IKBKE: variants seen among roughly 807,000 people sequenced by gnomAD.
IKBKE encodes the protein inhibitor of nuclear factor kappa B kinase subunit epsilon.
In IKBKE, 45 loss-of-function variants were observed where a neutral mutation model predicts 92.1. The ratio of observed to expected loss-of-function variants is 0.49; its 90% CI spans 0.38 to 0.63. The LOEUF is 0.63. Ranked by LOEUF, IKBKE falls within the 20% of genes least tolerant of loss-of-function variation. IKBKE has a pLI of 0.00. For missense variants in IKBKE, 700 were observed against 932.8 expected (o/e 0.75, Z 3.25); for synonymous variants, 374 against 380.3 (o/e 0.98, Z 0.19).
intron 4 of IKBKE, 93 bp from the exon 5 acceptor site, chr1:206,474,772 T>C (rs1664967388): frequency 6.8e-7 from 1 of 1,471,546 alleles, no homozygotes; most frequent in African/African-American, 1.4e-5. Flanking sequence ...ACCTGGAGAA[T>C]GGGGGCTCTG....
chr1:206,473,536 CTG>C (rs1296630384), intron 3 of IKBKE, among the ~76,000 whole-genome samples: 18 of 152,336 alleles, frequency 1.2e-4, no homozygotes, highest in African/African-American at 4.3e-4. Context: ...AGCAAGAGAA[CTG>C]TGAAGTAACA....
rs1665879880 is a variant in IKBKE, at chr1:206,490,250, G to A, written c.1694-569G>A. Among the ~76,000 whole-genome samples the A allele has an allele frequency of 6.6e-6, 1 of 152,150 alleles. No homozygotes were observed. Among genetic ancestry groups the A allele is most frequent in the Admixed American group, 6.5e-5 (1 of 15,280 alleles). On this transcript the variant is annotated intron_variant, in intron 16 of 21. Coordinates refer to ENST00000581977, the MANE Select transcript of IKBKE (RefSeq NM_014002.4). The surrounding 1 kb of genome is among the most constrained non-coding windows in gnomAD (Gnocchi z 5.2). ...CGCCACCCTGGAGGCCCATTCCTGCGAAGACCAGGAGGGGGCAGCATCTCC... is the reference window on the plus strand; with the variant it reads ...CGCCACCCTGGAGGCCCATTCCTGCAAAGACCAGGAGGGGGCAGCATCTCC...
chr1:206,488,265 G>A (rs1238345088), intron 16 of IKBKE, among the ~76,000 whole-genome samples: 17 of 152,254 alleles, frequency 1.1e-4, no homozygotes, highest in African/African-American at 4.1e-4. Flanking sequence ...TCACATGGTT[G>A]GGGGATCCAG....
rs1254622260 is a variant in IKBKE, at chr1:206,476,981, C to T, written c.701+143C>T. 1.2e-6 allele frequency: 1 copy of T among 852,804 alleles called. No individual in the cohort carries two copies. Among genetic ancestry groups the T allele is most frequent in the Admixed American group, 2.8e-5 (1 of 35,494 alleles). The allele number at this position is 852,804 out of a possible 1,614,324, so 52.8% of individuals were successfully genotyped here. A position where few individuals can be genotyped will look rare whatever the true frequency, so the allele number is the denominator to read the frequency against. On this transcript the variant is annotated intron_variant, in intron 7 of 21. Transcript: ENST00000581977. This position sits in a 1 kb window ranked among gnomAD's most constrained non-coding sequence, Gnocchi z 5.1. ...CCCCCAACCCAGGCTCTTTGTAGATCTTTTTTTGTTAATGGGATCAAACAA... is the reference window on the plus strand; with the variant it reads ...CCCCCAACCCAGGCTCTTTGTAGATTTTTTTTTGTTAATGGGATCAAACAA...
At chr1:206,473,146 A>G (rs1664869615) in intron 2 of IKBKE, 50 bp from the exon 3 acceptor site, 1 of 1,141,284 alleles carries the variant, frequency 8.8e-7, no homozygotes, top group African/African-American at 1.5e-5. Context: ...ACCAGCGGCC[A>G]CCCTGTGCCA....
chr1:206,480,783 C>G (rs1553386883), intron 13 of IKBKE, among the ~76,000 whole-genome samples: 1 of 152,202 alleles, frequency 6.6e-6, no homozygotes, highest in Non-Finnish European at 1.5e-5. Flanking sequence ...TCTCCAGGTA[C>G]CAAGGTGGCC....
intron 3 of IKBKE, 49 bp downstream of exon 3, chr1:206,473,363 T>A (rs782208448): frequency 1.4e-6 from 2 of 1,401,566 alleles, no homozygotes; most frequent in African/African-American, 2.9e-5. Flanking sequence ...CTTGGCCCCC[T>A]CATGCCTCAG....
At chr1:206,491,850 G>T in intron 18 of IKBKE, 101 bp downstream of exon 18, 1 of 814,676 alleles carries the variant, frequency 1.2e-6, no homozygotes, top group East Asian at 2.6e-5. Flanking sequence ...AGAGGGAGGA[G>T]TGAGTGAAGG....
Position 206,496,437 on chromosome 1 carries a change from T to C in IKBKE, c.*292T>C, listed in dbSNP as rs1395803704. 4.5e-6 allele frequency: 2 copies of C among 446,616 alleles called. No homozygotes were observed. The highest frequency in any genetic ancestry group is 8.1e-6 in the Non-Finnish European group (2 of 246,120). 27.7% of individuals were successfully genotyped at this position (446,616 alleles called of 1,614,324 possible). A position where few individuals can be genotyped will look rare whatever the true frequency, so the allele number is the denominator to read the frequency against. ...TCTAGGCTCAGGTACTGCTCCTCCATGCCCATGGCTGGGCCGTGGGGAGAA... is the reference window on the plus strand; with the variant it reads ...TCTAGGCTCAGGTACTGCTCCTCCACGCCCATGGCTGGGCCGTGGGGAGAA... On this transcript the variant is annotated 3_prime_UTR_variant, in exon 22 of 22. Coordinates refer to ENST00000581977, the MANE Select transcript of IKBKE (RefSeq NM_014002.4).
In IKBKE at chr1:206,474,760, G is replaced by A; in HGVS notation, c.229-105G>A. The A allele has an allele frequency of 2.2e-6, 3 of 1,379,914 alleles. No homozygotes were observed. In the South Asian group the frequency reaches 4.1e-5, roughly 19 times the overall value. 85.5% of individuals were successfully genotyped at this position (1,379,914 alleles called of 1,614,324 possible). A position where few individuals can be genotyped will look rare whatever the true frequency, so the allele number is the denominator to read the frequency against. ...GGAGGGAAGGCCAGGCCAGAAGCTG[G>A]GACCTGGAGAATGGGGGCTCTGGGC... is the stretch of plus-strand genomic sequence containing the variant. On this transcript the variant is annotated intron_variant, in intron 4 of 21. Coordinates refer to ENST00000581977, the MANE Select transcript of IKBKE (RefSeq NM_014002.4).
chr1:206,478,270 G>T lies in IKBKE; in HGVS notation c.923G>T (p.Arg308Leu). The stretch of plus-strand genomic sequence containing the variant: ...GCGGAGACCAGTGACATCCTGCAGC[G>T]AGTTGTCGTCCATGTCTTCTCCCTG... ...FFAETSDILQ[R>L]VVVHVFSLSQ... The change falls in exon 9 of 22, where the codon CGA becomes CTA. Residue 308 changes from arginine (R) to leucine (L), a missense_variant. Physicochemically the swap from Arg to Leu is moderately radical, Grantham distance 102 (BLOSUM62 -2). Transcript: ENST00000581977. The surrounding 1 kb of genome is among the most constrained non-coding windows in gnomAD (Gnocchi z 4.8). The T allele has an allele frequency of 6.2e-7, 1 of 1,614,168 alleles. No individual in the cohort carries two copies. Among genetic ancestry groups the T allele is most frequent in the South Asian group, 1.1e-5 (1 of 91,088 alleles).
chr1:206,471,609 C>G (rs1209273060), intron 2 of IKBKE, among the ~76,000 whole-genome samples: 3 of 152,182 alleles, frequency 2.0e-5, no homozygotes, highest in Non-Finnish European at 4.4e-5. Flanking sequence ...CCAGCCCCAG[C>G]CCCCAGACCT....
chr1:206,486,503 G>C (rs1553388753), intron 15 of IKBKE, among the ~76,000 whole-genome samples: 1 of 151,476 alleles, frequency 6.6e-6, no homozygotes, highest in African/African-American at 2.4e-5. Context: ...CCATCCTTTT[G>C]GATGAAGGCT....
intron 13 of IKBKE, among the ~76,000 whole-genome samples, chr1:206,482,423 G>T (rs782466446): frequency 1.7e-4 from 26 of 152,216 alleles, no homozygotes; most frequent in Non-Finnish European, 2.1e-4. Context: ...GCCCTGGATG[G>T]ACAGGCATGG....
Position 206,479,135 on chromosome 1 carries a change from T to C in IKBKE, c.1183+2T>C. ...CTAAGGGGCTGGCCTTCAGGGACCG[T>C]GAGTAGAGCCACCTGGGCTGGATCT... On this transcript the variant is annotated splice_donor_variant, in intron 10 of 21. Transcript: ENST00000581977. LOFTEE classifies it high-confidence loss of function. The C allele has an allele frequency of 6.3e-7, 1 of 1,586,848 alleles. No individual in the cohort carries two copies. The highest frequency in any genetic ancestry group is 8.6e-7 in the Non-Finnish European group (1 of 1,166,172).
intron 13 of IKBKE, among the ~76,000 whole-genome samples, chr1:206,483,514 G>A (rs960888077): frequency 7.2e-5 from 11 of 152,210 alleles, no homozygotes; most frequent in Non-Finnish European, 1.2e-4. Context: ...TGTCTTCAAG[G>A]AGCCTGCAGT....
chr1:206,478,227 G>A lies in IKBKE; in HGVS notation c.880G>A (p.Gly294Ser). Residue 294 changes from glycine (G) to serine (S), a missense_variant, in exon 9 of 22, where the codon GGC (glycine) becomes AGC (serine). Transcript: ENST00000581977. This position sits in a 1 kb window ranked among gnomAD's most constrained non-coding sequence, Gnocchi z 4.8. The part of the protein sequence containing the change: ...ILEVEQAKCW[G>S]FDQFFAETSD... ...GGAGGTGGAGCAGGCCAAGTGCTGG[G>A]GCTTCGACCAGTTCTTTGCGGAGAC... is the stretch of plus-strand genomic sequence containing the variant. The A allele has an allele frequency of 1.2e-6, 2 of 1,614,180 alleles. No homozygotes were observed. Among genetic ancestry groups the A allele is most frequent in the South Asian group, 1.1e-5 (1 of 91,090 alleles).
intron 1 of IKBKE, among the ~76,000 whole-genome samples, chr1:206,470,919 G>T (rs925672286): frequency 6.6e-6 from 1 of 152,212 alleles, no homozygotes. Flanking sequence ...AGCACCCAGC[G>T]CCTGCCCTCA....
At position 206,476,713 on chromosome 1, in the gene IKBKE, G is replaced by A. The variant is rs1458595332; in HGVS notation, c.576G>A (p.Lys192=). ...TGTATGAGCGGGCGGTGCTTCGAAA[G>A]CCCCAGCAAAAAGCGTTCGGGGTGA... ...PDMYERAVLR[K]PQQKAFGVTV... Residue 192 remains lysine, a synonymous_variant, in exon 7 of 22, where the codon AAG becomes AAA. Transcript: ENST00000581977. This position sits in a 1 kb window ranked among gnomAD's most constrained non-coding sequence, Gnocchi z 5.1. 7 of 1,614,234 alleles carry A rather than the reference G, an allele frequency of 4.3e-6. No homozygotes were observed. In the East Asian group the frequency reaches 1.3e-4, roughly 31 times the overall value.
Sources: allele counts gnomAD v4.1 joint callset (sites outside exome capture counted in the v4.1 genomes callset), GRCh38; gene constraint gnomAD v4.1.1; non-coding constraint Gnocchi (gnomAD v3.1); transcripts MANE v1.5; gene names NCBI Gene and HGNC (gene_info 2026-07-23, HGNC 2026-07-21).